The following ROR1 variants were observed in gnomAD, a reference collection of about 807,000 sequenced individuals.
ROR1 encodes the protein ROR family WNT receptor 1, also known as inactive tyrosine-protein kinase transmembrane receptor ROR1.
Under a neutral mutation model 78.8 loss-of-function variants are expected in ROR1, and 19 were observed. The ratio of observed to expected loss-of-function variants is 0.24; its 90% CI spans 0.17 to 0.35. The LOEUF (loss-of-function observed/expected upper bound fraction) is 0.35, where lower values mean the gene tolerates loss of function less well. Ranked by LOEUF, ROR1 falls within the 10% of genes least tolerant of loss-of-function variation. ROR1 has a pLI of 1.00. For synonymous variants in ROR1, 386 were observed against 433.6 expected (o/e 0.89, Z 1.36); for missense variants, 917 against 1,177.8 (o/e 0.78, Z 3.24).
chr1:64,078,941 G>T (rs1319910820), intron 4 of ROR1, among the ~76,000 whole-genome samples: 1 of 152,212 alleles, frequency 6.6e-6, no homozygotes, highest in Non-Finnish European at 1.5e-5. Context: ...TTCGAGGAAG[G>T]AGTGTTCAAA....
intron 1 of ROR1, among the ~76,000 whole-genome samples, chr1:63,996,618 A>G (rs1361030027): frequency 6.6e-6 from 1 of 152,194 alleles, no homozygotes; most frequent in Non-Finnish European, 1.5e-5. Context: ...AATCCCATGA[A>G]CTTAAACACT....
intron 2 of ROR1, among the ~76,000 whole-genome samples, chr1:64,045,983 T>G (rs1269186756): frequency 6.6e-6 from 1 of 152,188 alleles, no homozygotes; most frequent in Non-Finnish European, 1.5e-5. Flanking sequence ...TCATCAGAGC[T>G]ACTGAATCAA....
rs556188145 is a variant in ROR1 at position 63,910,221 on chromosome 1, A to G, written c.92-99084A>G. Among the ~76,000 whole-genome samples, 7 of 152,338 alleles carry G rather than the reference A, an allele frequency of 4.6e-5. No individual in the cohort carries two copies. In the East Asian group the frequency reaches 1.4e-3, roughly 29 times the overall value. ...GAGGTGGTTGGTGAACTTTTCAGCTAGCTAAGTCAATTATGGTGAGTTGCA... is the reference window on the plus strand; with the variant it reads ...GAGGTGGTTGGTGAACTTTTCAGCTGGCTAAGTCAATTATGGTGAGTTGCA... On this transcript the variant is annotated intron_variant, in intron 1 of 8. Transcript: ENST00000371079.
intron 2 of ROR1, among the ~76,000 whole-genome samples, chr1:64,046,492 C>T (rs1303323511): frequency 1.3e-5 from 2 of 152,152 alleles, no homozygotes; most frequent in East Asian, 3.8e-4. Flanking sequence ...TTCAAGGTGC[C>T]CTGCAACCCT....
intron 4 of ROR1, among the ~76,000 whole-genome samples, chr1:64,101,351 G>A (rs1327484488): frequency 2.0e-5 from 3 of 152,122 alleles, no homozygotes; most frequent in Non-Finnish European, 4.4e-5. Flanking sequence ...CCATAGTTAA[G>A]CTGTTTTGAT....
At chr1:63,891,761 G>A (rs855833) in intron 1 of ROR1, among the ~76,000 whole-genome samples, 113,065 of 152,028 alleles carry the variant, frequency 0.74, 47,850 homozygotes, top group East Asian at 0.99. Flanking sequence ...TCTTCTGTCT[G>A]TGGACATCAA....
intron 8 of ROR1, among the ~76,000 whole-genome samples, chr1:64,173,718 G>A (rs961623073): frequency 6.6e-6 from 1 of 152,214 alleles, no homozygotes; most frequent in Non-Finnish European, 1.5e-5. Context: ...CAGTGGAGGG[G>A]AATGCAGCTG....
In ROR1 at chr1:63,973,562, G is replaced by T. The variant is rs146514810; in HGVS notation, c.92-35743G>T. 5.7e-3 allele frequency among the ~76,000 whole-genome samples: 874 copies of T among 152,244 alleles called. 8 individuals carry two copies. The highest frequency in any genetic ancestry group is 0.019 in the African/African-American group (809 of 41,532). ...AGAACACTCATGTAAAATATGACTG[G>T]AGATAGTTGTGCTAAGTGACTCCTG... On this transcript the variant is annotated intron_variant, in intron 1 of 8. Transcript: ENST00000371079.
chr1:63,942,805 G>T (rs2100459086), intron 1 of ROR1, among the ~76,000 whole-genome samples: 1 of 152,256 alleles, frequency 6.6e-6, no homozygotes, highest in East Asian at 1.9e-4. Context: ...AAATGATAAA[G>T]TTGGCTTGGC....
At chr1:63,954,791 T>C (rs993722151) in intron 1 of ROR1, among the ~76,000 whole-genome samples, 1 of 152,198 alleles carries the variant, frequency 6.6e-6, no homozygotes, top group Admixed American at 6.5e-5. Flanking sequence ...GTCCAAATAG[T>C]ATGCCATTTT....
At chr1:63,856,333 C>T (rs1037372438) in intron 1 of ROR1, among the ~76,000 whole-genome samples, 3 of 152,192 alleles carry the variant, frequency 2.0e-5, no homozygotes, top group African/African-American at 4.8e-5. Context: ...TAATTATTCT[C>T]CATGACAGTG....
intron 4 of ROR1, among the ~76,000 whole-genome samples, chr1:64,059,581 C>G (rs151004012): frequency 0.045 from 6,900 of 151,754 alleles, 527 homozygotes; most frequent in African/African-American, 0.16. Context: ...TGGTGGCATG[C>G]GCCTGTAATC....
intron 1 of ROR1, among the ~76,000 whole-genome samples, chr1:63,901,551 T>C (rs1344727739): frequency 6.6e-6 from 1 of 152,112 alleles, no homozygotes; most frequent in Non-Finnish European, 1.5e-5. Context: ...ATGATGTCTT[T>C]AGAGATTTTG....
chr1:64,176,576 G>A (rs1650386483), intron 8 of ROR1, among the ~76,000 whole-genome samples: 1 of 152,210 alleles, frequency 6.6e-6, no homozygotes, highest in Non-Finnish European at 1.5e-5. Context: ...GGCTATGGAG[G>A]CCACTTGTGT....
At chr1:63,937,634 A>G (rs1391680079) in intron 1 of ROR1, among the ~76,000 whole-genome samples, 1 of 152,294 alleles carries the variant, frequency 6.6e-6, no homozygotes, top group South Asian at 2.1e-4. Flanking sequence ...CCTAACGTTG[A>G]ATAGAGAAAG....
At chr1:63,801,660 C>T (rs186229703) in intron 1 of ROR1, among the ~76,000 whole-genome samples, 1 of 152,258 alleles carries the variant, frequency 6.6e-6, no homozygotes, top group African/African-American at 2.4e-5. Context: ...TTCTTCCTCC[C>T]ATTTATTCTG....
chr1:64,140,741 A>G (rs1375003958), intron 6 of ROR1, among the ~76,000 whole-genome samples: 3 of 152,264 alleles, frequency 2.0e-5, no homozygotes, highest in African/African-American at 7.2e-5. Flanking sequence ...ACAAAAACTC[A>G]TATGAGAATG....
intron 2 of ROR1, among the ~76,000 whole-genome samples, chr1:64,037,987 C>A: frequency 6.6e-6 from 1 of 152,144 alleles, no homozygotes; most frequent in East Asian, 1.9e-4. Context: ...ATTTCTAGAG[C>A]TGGACAGGTT....
intron 1 of ROR1, among the ~76,000 whole-genome samples, chr1:63,872,146 C>A (rs1193561797): frequency 1.3e-5 from 2 of 152,198 alleles, no homozygotes; most frequent in African/African-American, 4.8e-5. Context: ...TGAAGAAATT[C>A]ATATTTTATG....
Sources: allele counts gnomAD v4.1 joint callset (sites outside exome capture counted in the v4.1 genomes callset), GRCh38; gene constraint gnomAD v4.1.1; transcripts MANE v1.5; gene names NCBI Gene and HGNC (gene_info 2026-07-23, HGNC 2026-07-21).